Variants in MEI4 observed in about 807,000 individuals in gnomAD.
MEI4 encodes the protein meiosis-specific protein MEI4.
In MEI4, 27 loss-of-function variants were observed where a neutral mutation model predicts 31.4. The ratio of observed to expected loss-of-function variants is 0.86; its 90% CI spans 0.63 to 1.19. MEI4 has a LOEUF of 1.19. Among genes scored for constraint, MEI4 ranks in the 50% most tolerant of loss-of-function variants. The probability of loss-of-function intolerance (pLI) is 0.00; values close to 1 mark genes in which losing one functional copy is unlikely to be tolerated. For synonymous variants in MEI4, 122 were observed against 145.4 expected, an observed-to-expected ratio of 0.84 and a Z score of 1.16; for missense variants, 329 against 398.9, an observed-to-expected ratio of 0.82 and a Z score of 1.49.
At chr6:77,789,259 A>T (rs1440169970) in intron 3 of MEI4, among the ~76,000 whole-genome samples, 1 of 152,210 alleles carries the variant, frequency 6.6e-6, no homozygotes, top group African/African-American at 2.4e-5. Flanking sequence ...TCAATTCAAG[A>T]TGGATTAAAG....
rs76948793 is a variant in MEI4, at chr6:77,706,959, A to G, written c.232+16056A>G. 1.1e-3 allele frequency among the ~76,000 whole-genome samples: 167 copies of G among 152,180 alleles called. 1 individual carries two copies. The East Asian group carries it at 0.028, about 26-fold the overall frequency. On this transcript the variant is annotated intron_variant, in intron 2 of 4. Transcript: ENST00000684080. ...TCAGATATTCCTTTATAGTGATACA[A>G]AACAGACTAACACAGAAAATTGGTA... is the stretch of plus-strand genomic sequence containing the variant.
intron 3 of MEI4, among the ~76,000 whole-genome samples, chr6:77,781,390 T>A (rs553277959): frequency 2.6e-5 from 4 of 152,230 alleles, no homozygotes; most frequent in African/African-American, 9.6e-5. Flanking sequence ...ATTATTTTCC[T>A]CCACAGCATG....
intron 4 of MEI4, among the ~76,000 whole-genome samples, chr6:77,862,798 C>A (rs1323082715): frequency 6.6e-6 from 1 of 152,156 alleles, no homozygotes; most frequent in Non-Finnish European, 1.5e-5. Context: ...CCCTGACCCC[C>A]AAGTAGCCTA....
intron 3 of MEI4, among the ~76,000 whole-genome samples, chr6:77,810,898 C>G (rs901234720): frequency 3.9e-5 from 6 of 151,906 alleles, no homozygotes; most frequent in Non-Finnish European, 7.4e-5. Context: ...TTGAATATAT[C>G]TTCTTGATTA....
intron 4 of MEI4, among the ~76,000 whole-genome samples, chr6:77,918,037 T>A (rs1434346723): frequency 1.3e-5 from 2 of 151,662 alleles, no homozygotes; most frequent in African/African-American, 4.8e-5. Flanking sequence ...CCTTTCCCCA[T>A]TGCTTGTTTT....
intron 4 of MEI4, among the ~76,000 whole-genome samples, chr6:77,883,717 G>GATAGATATATATATATATATATATATAT (rs1554172067): frequency 4.6e-5 from 2 of 43,322 alleles, no homozygotes; most frequent in Admixed American, 2.5e-4. Context: ...TATTATGTAA[G>GATAGATATATATATATATATATATATAT]ATATATATAT....
At chr6:77,888,665 C>T (rs1207165426) in intron 4 of MEI4, among the ~76,000 whole-genome samples, 3 of 151,994 alleles carry the variant, frequency 2.0e-5, no homozygotes, top group Admixed American at 2.0e-4. Context: ...ATCCCATTCT[C>T]TTCTGGCCTT....
chr6:77,714,330 C>A (rs535336140), intron 2 of MEI4, among the ~76,000 whole-genome samples: 1 of 151,884 alleles, frequency 6.6e-6, no homozygotes, highest in African/African-American at 2.4e-5. Flanking sequence ...TGACTCTGAA[C>A]TATTTTTATT....
At chr6:77,915,096 C>A (rs1766515116) in intron 4 of MEI4, among the ~76,000 whole-genome samples, 1 of 152,022 alleles carries the variant, frequency 6.6e-6, no homozygotes, top group African/African-American at 2.4e-5. Context: ...TGCCATTTTA[C>A]TAATTGGTTT....
At chr6:77,904,652 T>C (rs1220204886) in intron 4 of MEI4, among the ~76,000 whole-genome samples, 14 of 152,306 alleles carry the variant, frequency 9.2e-5, no homozygotes, top group South Asian at 2.1e-4. Context: ...CATTCATTTT[T>C]ATGACTGCAG....
At chr6:77,678,935 A>G (rs1187550490) in intron 1 of MEI4, among the ~76,000 whole-genome samples, 3 of 150,574 alleles carry the variant, frequency 2.0e-5, no homozygotes, top group African/African-American at 7.3e-5. Context: ...TTTAACAAAA[A>G]TGTTTAAGAG....
rs1000308696 is a variant in MEI4 at position 77,820,752 on chromosome 6, T to C, written c.769-8179T>C. 6.6e-6 allele frequency among the ~76,000 whole-genome samples: 1 copy of C among 152,054 alleles called. No individual in the cohort carries two copies. Among genetic ancestry groups the C allele is most frequent in the Non-Finnish European group, 1.5e-5 (1 of 68,028 alleles). Reference sequence around the variant, plus strand: ...CTAGATCAAAGATGTATGGCTTTTATTGTTGCTATTAATTATGTTGTCAGT... The same window carrying C: ...CTAGATCAAAGATGTATGGCTTTTACTGTTGCTATTAATTATGTTGTCAGT... On this transcript the variant is annotated intron_variant, in intron 3 of 4. Coordinates refer to ENST00000684080, the MANE Select transcript of MEI4 (RefSeq NM_001322247.2). The surrounding 1 kb of genome is among the most constrained non-coding windows in gnomAD (Gnocchi z 4.5).
upstream of MEI4, among the ~76,000 whole-genome samples, chr6:77,650,575 A>G (rs892594071): frequency 6.6e-6 from 1 of 152,172 alleles, no homozygotes; most frequent in Non-Finnish European, 1.5e-5. Context: ...GGAACCCAGA[A>G]GGTAGGCGGG....
chr6:77,821,696 G>A (rs1454789938), intron 3 of MEI4, among the ~76,000 whole-genome samples: 4 of 151,238 alleles, frequency 2.6e-5, no homozygotes, highest in South Asian at 4.2e-4. Flanking sequence ...TCAGGAGGCC[G>A]AGGCAGGAGA....
At chr6:77,849,527 CTG>C (rs1425059552) in intron 4 of MEI4, among the ~76,000 whole-genome samples, 8 of 152,140 alleles carry the variant, frequency 5.3e-5, no homozygotes, top group Non-Finnish European at 1.0e-4. Flanking sequence ...ACAATTTTAA[CTG>C]TAAGTTATGG....
At chr6:77,789,907 A>C (rs558595715) in intron 3 of MEI4, among the ~76,000 whole-genome samples, 56 of 152,274 alleles carry the variant, frequency 3.7e-4, no homozygotes, top group African/African-American at 1.3e-3. Context: ...ATTACTGGAT[A>C]TATACCCAAA....
intron 2 of MEI4, 131 bp from the exon 3 acceptor site, chr6:77,760,999 T>A (rs1768029517): frequency 3.3e-6 from 2 of 602,794 alleles, no homozygotes; most frequent in Non-Finnish European, 4.8e-6. Context: ...GTTTTTACAC[T>A]ACTGCTTGTT....
At chr6:77,675,389 A>G (rs935784175) in intron 1 of MEI4, among the ~76,000 whole-genome samples, 1 of 152,158 alleles carries the variant, frequency 6.6e-6, no homozygotes, top group African/African-American at 2.4e-5. Context: ...AGTAAAACTG[A>G]TAATTTCCCC....
chr6:77,779,901 C>T, intron 3 of MEI4, among the ~76,000 whole-genome samples: 1 of 152,152 alleles, frequency 6.6e-6, no homozygotes, highest in Non-Finnish European at 1.5e-5. Context: ...ATAACATAGG[C>T]ATTTGAAATT....
Sources: gnomAD v4.1 joint callset for allele counts (sites outside exome capture counted in the v4.1 genomes callset) on GRCh38, gnomAD v4.1.1 for gene constraint, Gnocchi (gnomAD v3.1) non-coding constraint, MANE v1.5 for transcripts, NCBI Gene and HGNC (gene_info 2026-07-23, HGNC 2026-07-21) for gene names.